TRIO: variants seen among roughly 807,000 people sequenced by gnomAD.
TRIO encodes trio Rho guanine nucleotide exchange factor.
A neutral mutation model predicts 351.9 loss-of-function variants in TRIO; 58 were observed. The observed-to-expected ratio is 0.16, with a 90% confidence interval of 0.13 to 0.21. The LOEUF (loss-of-function observed/expected upper bound fraction) is 0.21, where lower values mean the gene tolerates loss of function less well. TRIO is among the 10% of genes least tolerant of loss of function. TRIO has a pLI of 1.00. For missense variants in TRIO, 3,201 were observed against 4,027.8 expected, an observed-to-expected ratio of 0.79 and a Z score of 5.56; for synonymous variants, 1,758 against 1,595.7, an observed-to-expected ratio of 1.10 and a Z score of -2.42.
rs535575760 is a variant in TRIO, at chr5:14,469,066, C to T, written c.5764-2252C>T. 5.3e-5 allele frequency among the ~76,000 whole-genome samples: 8 copies of T among 152,192 alleles called. 1 individual carries two copies. The highest frequency in any genetic ancestry group is 1.9e-4 in the African/African-American group (8 of 41,490). On this transcript the variant is annotated intron_variant, in intron 37 of 56. Coordinates refer to ENST00000344204, the MANE Select transcript of TRIO (RefSeq NM_007118.4). ...GAACTTGACTTTGGGGTTTTCTTCT[C>T]TTCACTAATCAAAATATAAAGGGAG...
intron 30 of TRIO, among the ~76,000 whole-genome samples, chr5:14,399,641 C>G (rs972067246): frequency 2.0e-5 from 3 of 152,294 alleles, no homozygotes. Context: ...TTGGCAGATC[C>G]GGTGATGCAT....
In TRIO at chr5:14,448,674, G is replaced by A. The variant is rs556477805; in HGVS notation, c.5204-12345G>A. On this transcript the variant is annotated intron_variant, in intron 34 of 56. Transcript: ENST00000344204. The stretch of plus-strand genomic sequence containing the variant: ...GCCATGTGGACTGCGCGTTAGGAGC[G>A]GGGCAGAAAGCTGCTGGGCATGGAT... Among the ~76,000 whole-genome samples, 23 of 152,346 alleles carry A rather than the reference G, an allele frequency of 1.5e-4. No homozygotes were observed. The South Asian group carries it at 1.9e-3, about 12-fold the overall frequency.
At chr5:14,311,726 G>C (rs887191733) in intron 8 of TRIO, among the ~76,000 whole-genome samples, 30 of 152,180 alleles carry the variant, frequency 2.0e-4, no homozygotes, top group African/African-American at 7.2e-4. Flanking sequence ...TCATTCCCAG[G>C]CTTCGTGTGG....
At chr5:14,394,157 G>A (rs1370180221) in intron 28 of TRIO, 27 bp downstream of exon 28, 14 of 1,418,234 alleles carry the variant, frequency 9.9e-6, no homozygotes, top group Non-Finnish European at 1.4e-5. Flanking sequence ...TTCAGCCTGT[G>A]AAATTTTATG....
chr5:14,274,659 T>C (rs145929599), intron 2 of TRIO, among the ~76,000 whole-genome samples: 77 of 152,348 alleles, frequency 5.1e-4, no homozygotes, highest in African/African-American at 1.8e-3. Context: ...GGATAAGTGA[T>C]TGGTTCCTGT....
intron 25 of TRIO, 77 bp downstream of exon 25, chr5:14,389,475 C>A: frequency 1.9e-6 from 2 of 1,040,304 alleles, no homozygotes; most frequent in Non-Finnish European, 2.8e-6. Flanking sequence ...ATGAACCATT[C>A]CCATTGAATT....
rs778353438 is a variant in TRIO at position 14,364,823 on chromosome 5, A to G, written c.2754+7A>G. ...GCAGGCAGAAGTGAAACAGGTGAGC[A>G]AACGACTGGATGCTTGGGGAGGCTG... On this transcript the variant is annotated splice_region_variant and intron_variant, in intron 15 of 56. Coordinates refer to ENST00000344204, the MANE Select transcript of TRIO (RefSeq NM_007118.4). The G allele has an allele frequency of 8.1e-6, 13 of 1,606,056 alleles. No homozygotes were observed. In the East Asian group the frequency reaches 2.9e-4, roughly 36 times the overall value.
chr5:14,241,553 AT>A lies in TRIO; in HGVS notation c.158-29269del, dbSNP rs1373273634. On this transcript the variant is annotated intron_variant, in intron 1 of 56. Coordinates refer to ENST00000344204, the MANE Select transcript of TRIO (RefSeq NM_007118.4). Reference sequence around the variant, plus strand: ...TTTAAAAATGTTCTTAAAACCCTTTATTTAATTGAAACTTGATTCCTACTAT... The same window carrying A: ...TTTAAAAATGTTCTTAAAACCCTTTATTAATTGAAACTTGATTCCTACTAT... 3.3e-5 allele frequency among the ~76,000 whole-genome samples: 5 copies of A among 152,326 alleles called. No individual in the cohort carries two copies. In the East Asian group the frequency reaches 5.8e-4, roughly 18 times the overall value.
chr5:14,208,202 T>C (rs952309867), intron 1 of TRIO, among the ~76,000 whole-genome samples: 13 of 152,208 alleles, frequency 8.5e-5, no homozygotes, highest in African/African-American at 3.1e-4. Flanking sequence ...AAGACTTTTC[T>C]ACGAATGTAC....
chr5:14,371,938 G>A (rs906483117), intron 18 of TRIO, among the ~76,000 whole-genome samples: 3 of 151,936 alleles, frequency 2.0e-5, no homozygotes, highest in Non-Finnish European at 4.4e-5. Flanking sequence ...CTCCACACCT[G>A]GCCTATAAAT....
intron 11 of TRIO, among the ~76,000 whole-genome samples, chr5:14,339,907 T>G (rs953342091): frequency 2.6e-5 from 4 of 152,086 alleles, no homozygotes; most frequent in Non-Finnish European, 5.9e-5. Context: ...AGAACAAGTT[T>G]AATTAGTTTA....
intron 1 of TRIO, among the ~76,000 whole-genome samples, chr5:14,208,300 A>G (rs945971060): frequency 4.6e-5 from 7 of 152,252 alleles, no homozygotes; most frequent in Admixed American, 4.6e-4. Context: ...TATCATCATC[A>G]TATCCAGACG....
At chr5:14,401,106 T>A in intron 31 of TRIO, 42 bp downstream of exon 31, 4 of 1,518,566 alleles carry the variant, frequency 2.6e-6, no homozygotes, top group Non-Finnish European at 3.6e-6. Context: ...TTGAAACATT[T>A]ACTGTGGCCA....
At chr5:14,209,192 C>T (rs77832036) in intron 1 of TRIO, among the ~76,000 whole-genome samples, 115 of 152,254 alleles carry the variant, frequency 7.6e-4, no homozygotes, top group African/African-American at 2.7e-3. Flanking sequence ...ATGTTATGAC[C>T]ATAGAGCCCT....
chr5:14,472,669 C>T lies in TRIO; in HGVS notation c.5979+11C>T, dbSNP rs1446070270. On this transcript the variant is annotated intron_variant, in intron 39 of 56. Coordinates refer to ENST00000344204, the MANE Select transcript of TRIO (RefSeq NM_007118.4). ...GGCTATGTGGTTGAGGTGTGTATTG[C>T]CAGAAATTTAGTATCTTCGTATCAG... 1 of 1,612,900 alleles carries T rather than the reference C, an allele frequency of 6.2e-7. No homozygotes were observed. Among genetic ancestry groups the T allele is most frequent in the Non-Finnish European group, 8.5e-7 (1 of 1,179,242 alleles).
chr5:14,224,963 C>G (rs1417745901), intron 1 of TRIO, among the ~76,000 whole-genome samples: 1 of 152,136 alleles, frequency 6.6e-6, no homozygotes, highest in Non-Finnish European at 1.5e-5. Context: ...CCTCCCTGAG[C>G]CTTCGTTCCT....
chr5:14,211,105 AG>A (rs1791861011), intron 1 of TRIO, among the ~76,000 whole-genome samples: 1 of 152,216 alleles, frequency 6.6e-6, no homozygotes, highest in African/African-American at 2.4e-5. Flanking sequence ...CATTATTTTT[AG>A]ACCTTTTGAC....
intron 1 of TRIO, among the ~76,000 whole-genome samples, chr5:14,192,416 T>G (rs942882685): frequency 6.6e-6 from 1 of 152,054 alleles, no homozygotes; most frequent in Non-Finnish European, 1.5e-5. Context: ...TATGTCCACC[T>G]GTAGTGGATG....
chr5:14,214,642 T>C (rs182137787), intron 1 of TRIO, among the ~76,000 whole-genome samples: 31 of 152,368 alleles, frequency 2.0e-4, no homozygotes, highest in Admixed American at 2.0e-3. Flanking sequence ...TGCAGACCTA[T>C]TATGATACAA....
Sources: allele counts gnomAD v4.1 joint callset (sites outside exome capture counted in the v4.1 genomes callset), GRCh38; gene constraint gnomAD v4.1.1; transcripts MANE v1.5; gene names NCBI Gene and HGNC (gene_info 2026-07-23, HGNC 2026-07-21).